ABCC4: variants seen among roughly 807,000 people sequenced by gnomAD.
The protein encoded by ABCC4 is ATP-binding cassette sub-family C member 4.
A neutral mutation model predicts 168.5 loss-of-function variants in ABCC4; 102 were observed. That is an observed-to-expected ratio of 0.61 (90% confidence interval 0.52 to 0.71). ABCC4 has a LOEUF of 0.71. ABCC4 is among the 30% of genes least tolerant of loss of function. The probability of loss-of-function intolerance (pLI) is 0.00; values close to 1 mark genes in which losing one functional copy is unlikely to be tolerated. For missense variants in ABCC4, 1,402 were observed against 1,605.8 expected (o/e 0.87, Z 2.17); for synonymous variants, 617 against 590.7 (o/e 1.04, Z -0.65).
At chr13:95,184,055 A>G (rs1566501765) in intron 11 of ABCC4, among the ~76,000 whole-genome samples, 1 of 152,348 alleles carries the variant, frequency 6.6e-6, no homozygotes. Context: ...GCTTACACAC[A>G]TCCAGGAAGG....
intron 30 of ABCC4, among the ~76,000 whole-genome samples, chr13:95,031,332 G>A (rs764259531): frequency 2.6e-5 from 4 of 152,172 alleles, no homozygotes; most frequent in East Asian, 1.9e-4. Context: ...GAATTTGGGC[G>A]ACTAGCTGCA....
rs1430939668 is a variant in ABCC4, at chr13:95,234,705, G to C, written c.436C>G (p.Leu146Val). Residue 146 changes from leucine (L) to valine (V), a missense_variant, in exon 4 of 31, where the codon CTC becomes GTC. Coordinates refer to ENST00000645237, the MANE Select transcript of ABCC4 (RefSeq NM_005845.5). ...AAGTGATGCAGTATAGCCAAAATGA[G>C]CGTGCAAAAAGTCAGCACCGTGGCA... ...AYATVLTFCT[L>V]ILAILHHLYF... is the part of the protein sequence containing the mutation. The C allele has an allele frequency of 1.2e-6, 2 of 1,613,988 alleles. No homozygotes were observed. Among genetic ancestry groups the C allele is most frequent in the African/African-American group, 1.3e-5 (1 of 74,910 alleles).
intron 20 of ABCC4, among the ~76,000 whole-genome samples, chr13:95,110,969 GAAAAAAAAAAAGAAAGA>G (rs2035182881): frequency 2.6e-5 from 1 of 38,386 alleles, no homozygotes; most frequent in Non-Finnish European, 5.2e-5. Context: ...CCCTGTTTCA[GAAAAAAAAAAAGAAAGA>G]AAAAAAAAAA....
At chr13:95,219,237 C>T (rs1261383858) in intron 4 of ABCC4, among the ~76,000 whole-genome samples, 1 of 152,194 alleles carries the variant, frequency 6.6e-6, no homozygotes, top group African/African-American at 2.4e-5. Flanking sequence ...ACCCTGCTAT[C>T]ACCAGTTTCT....
intron 3 of ABCC4, among the ~76,000 whole-genome samples, chr13:95,243,434 C>T (rs185864345): frequency 8.0e-4 from 122 of 152,322 alleles, no homozygotes; most frequent in Non-Finnish European, 9.4e-4. Flanking sequence ...CAGTCAATGT[C>T]GTGACCATGC....
chr13:95,145,802 C>A (rs1410552010), intron 19 of ABCC4, among the ~76,000 whole-genome samples: 3 of 152,164 alleles, frequency 2.0e-5, no homozygotes, highest in African/African-American at 7.2e-5. Flanking sequence ...TTTGCAGCAA[C>A]ATGGATGGAG....
intron 1 of ABCC4, among the ~76,000 whole-genome samples, chr13:95,285,989 AGATAACT>A (rs1206917733): frequency 6.6e-6 from 1 of 152,124 alleles, no homozygotes; most frequent in Admixed American, 6.6e-5. Context: ...CCCTACGTGC[AGATAACT>A]GAGGACGCAA....
At chr13:95,174,368 G>A (rs1272746086) in intron 13 of ABCC4, among the ~76,000 whole-genome samples, 5 of 152,120 alleles carry the variant, frequency 3.3e-5, no homozygotes, top group Non-Finnish European at 5.9e-5. Context: ...CAACACAACC[G>A]CCATCTTTCA....
intron 30 of ABCC4, among the ~76,000 whole-genome samples, chr13:95,022,865 C>A (rs962946264): frequency 6.6e-6 from 1 of 152,104 alleles, no homozygotes; most frequent in South Asian, 2.1e-4. Context: ...ACTTGTTACT[C>A]CAGAAATATC....
At chr13:95,090,261 T>G (rs1164568308) in intron 20 of ABCC4, among the ~76,000 whole-genome samples, 9 of 152,166 alleles carry the variant, frequency 5.9e-5, no homozygotes. Context: ...CTCTTCATGC[T>G]ACCACAGCTA....
intron 1 of ABCC4, among the ~76,000 whole-genome samples, chr13:95,262,698 T>A (rs1162435762): frequency 6.6e-6 from 1 of 151,648 alleles, no homozygotes; most frequent in African/African-American, 2.4e-5. Context: ...TGTGGTGCGA[T>A]CTCGGCTCAC....
intron 1 of ABCC4, among the ~76,000 whole-genome samples, chr13:95,253,653 G>A (rs1481333917): frequency 6.6e-6 from 1 of 151,912 alleles, no homozygotes; most frequent in Non-Finnish European, 1.5e-5. Context: ...GCTGAGGTAG[G>A]AGAATCGCTT....
intron 19 of ABCC4, among the ~76,000 whole-genome samples, chr13:95,158,110 G>A (rs1166818942): frequency 6.6e-6 from 1 of 151,374 alleles, no homozygotes; most frequent in African/African-American, 2.4e-5. Flanking sequence ...CTTCGCTGCT[G>A]AGAAGAAACA....
chr13:95,053,577 C>T (rs1208341354), intron 26 of ABCC4: 1 of 171,064 alleles, frequency 5.8e-6, no homozygotes, highest in Non-Finnish European at 1.3e-5. Context: ...ATACCGACAG[C>T]ATGATTAAAG....
At chr13:95,272,413 A>G (rs540626700) in intron 1 of ABCC4, among the ~76,000 whole-genome samples, 1 of 152,218 alleles carries the variant, frequency 6.6e-6, no homozygotes, top group Admixed American at 6.5e-5. Context: ...TATACTGTTC[A>G]TTTGCCCTAA....
At chr13:95,154,495 G>T (rs1392670862) in intron 19 of ABCC4, among the ~76,000 whole-genome samples, 1 of 152,184 alleles carries the variant, frequency 6.6e-6, no homozygotes, top group Non-Finnish European at 1.5e-5. Flanking sequence ...CACTTGAAAG[G>T]AAACATAGCG....
At chr13:95,032,745 C>T (rs1413893597) in intron 30 of ABCC4, among the ~76,000 whole-genome samples, 1 of 151,704 alleles carries the variant, frequency 6.6e-6, no homozygotes, top group Non-Finnish European at 1.5e-5. Context: ...CTCACTGCAA[C>T]CTCCGCCTCC....
At chr13:95,066,715 T>C (rs1566387240) in intron 25 of ABCC4, among the ~76,000 whole-genome samples, 1 of 152,226 alleles carries the variant, frequency 6.6e-6, no homozygotes, top group Non-Finnish European at 1.5e-5. Flanking sequence ...CCCTAAGTGA[T>C]GGAATGGGAC....
intron 1 of ABCC4, among the ~76,000 whole-genome samples, chr13:95,252,758 G>A (rs1382517034): frequency 1.3e-5 from 2 of 152,232 alleles, no homozygotes; most frequent in Non-Finnish European, 2.9e-5. Context: ...GCTTTAGGCA[G>A]CCACTGAGGT....
Sources: gnomAD v4.1 joint callset for allele counts (sites outside exome capture counted in the v4.1 genomes callset) on GRCh38, gnomAD v4.1.1 for gene constraint, MANE v1.5 for transcripts, NCBI Gene and HGNC (gene_info 2026-07-23, HGNC 2026-07-21) for gene names.